The following RTF1 variants were observed in gnomAD, a reference collection of about 807,000 sequenced individuals.
The protein encoded by RTF1 is RTF1 homolog, Paf1/RNA polymerase II complex component.
Under a neutral mutation model 95.7 loss-of-function variants are expected in RTF1, and 10 were observed. The observed-to-expected ratio is 0.10, with a 90% CI of 0.06 to 0.18. RTF1 has a LOEUF of 0.18. Ranked by LOEUF, RTF1 falls within the 10% of genes least tolerant of loss-of-function variation. RTF1 has a pLI of 1.00. For synonymous variants in RTF1, 305 were observed against 311.8 expected (o/e 0.98, Z 0.23); for missense variants, 458 against 875.6 (o/e 0.52, Z 6.02).
chr15:41,475,941 T>A (rs1277828019), intron 11 of RTF1, 122 bp downstream of exon 11: 1 of 602,420 alleles, frequency 1.7e-6, no homozygotes, highest in Admixed American at 3.0e-5. Context: ...GAGGGAATAC[T>A]AATATTACTA....
At chr15:41,478,659 C>G in intron 15 of RTF1, 34 bp downstream of exon 15, 2 of 1,485,596 alleles carry the variant, frequency 1.3e-6, no homozygotes, top group Non-Finnish European at 1.9e-6. Context: ...TAGTCAGGAC[C>G]TAGATTCTAG....
intron 6 of RTF1, among the ~76,000 whole-genome samples, chr15:41,466,656 T>TA (rs1186762096): frequency 6.6e-6 from 1 of 152,252 alleles, no homozygotes; most frequent in African/African-American, 2.4e-5. Context: ...AACAAGATTT[T>TA]AAAAACATTT....
chr15:41,443,287 T>A (rs1029109216), intron 2 of RTF1, among the ~76,000 whole-genome samples: 2 of 152,318 alleles, frequency 1.3e-5, no homozygotes, highest in Admixed American at 6.5e-5. Flanking sequence ...GTTTCACATA[T>A]AATGTAGCTT....
intron 12 of RTF1, 134 bp from the exon 13 acceptor site, chr15:41,477,031 C>T (rs985273121): frequency 1.8e-6 from 2 of 1,084,958 alleles, no homozygotes; most frequent in Non-Finnish European, 2.8e-6. Flanking sequence ...AGTACTTCTA[C>T]AGTATTCTTC....
At position 41,462,711 on chromosome 15, in the gene RTF1, C is replaced by G. The variant is rs562282460; in HGVS notation, c.663-2060C>G. Among the ~76,000 whole-genome samples, 7 of 152,248 alleles carry G rather than the reference C, an allele frequency of 4.6e-5. No homozygotes were observed. In the South Asian group the frequency reaches 1.5e-3, roughly 32 times the overall value. ...CTCCCAGCCCTAGGCAACCACTAAT[C>G]TCCTTTCTGTCTCTCTAGATTTGCC... is the stretch of plus-strand genomic sequence containing the variant. On this transcript the variant is annotated intron_variant, in intron 4 of 17. Coordinates refer to ENST00000389629, the MANE Select transcript of RTF1 (RefSeq NM_015138.5).
At chr15:41,427,144 A>G (rs761876803) in intron 1 of RTF1, among the ~76,000 whole-genome samples, 3 of 115,540 alleles carry the variant, frequency 2.6e-5, no homozygotes, top group Non-Finnish European at 5.1e-5. Context: ...CTGGTCTACA[A>G]ATTTTTTTTT....
At chr15:41,478,368 T>TG (rs1181639732) in intron 14 of RTF1, 180 bp from the exon 15 acceptor site, 1 of 581,964 alleles carries the variant, frequency 1.7e-6, no homozygotes, top group Non-Finnish European at 3.0e-6. Flanking sequence ...GTCACTGCAC[T>TG]TCAGCCTAGG....
intron 1 of RTF1, among the ~76,000 whole-genome samples, chr15:41,425,637 A>C (rs954166443): frequency 3.9e-5 from 6 of 152,194 alleles, no homozygotes; most frequent in African/African-American, 1.2e-4. Context: ...GTATGTGTTC[A>C]CTATGCTGTC....
intron 16 of RTF1, 116 bp from the exon 17 acceptor site, chr15:41,480,098 C>T (rs1368241294): frequency 4.5e-6 from 3 of 668,292 alleles, no homozygotes; most frequent in Non-Finnish European, 7.9e-6. Flanking sequence ...AGAAAGGGGC[C>T]TTAGTAGGAA....
intron 2 of RTF1, among the ~76,000 whole-genome samples, chr15:41,442,911 G>T (rs1285745961): frequency 2.0e-5 from 3 of 152,062 alleles, no homozygotes; most frequent in Non-Finnish European, 4.4e-5. Context: ...ATTAAATAAA[G>T]TGGCAATTTT....
chr15:41,472,323 C>T (rs553389405), intron 8 of RTF1, among the ~76,000 whole-genome samples: 191 of 151,636 alleles, frequency 1.3e-3, no homozygotes, highest in African/African-American at 4.5e-3. Context: ...TCCCCTGCCT[C>T]AGCCTCCCGA....
chr15:41,460,730 G>C (rs2050843290), intron 4 of RTF1, among the ~76,000 whole-genome samples: 1 of 151,084 alleles, frequency 6.6e-6, no homozygotes, highest in Admixed American at 6.6e-5. Context: ...GTCTGGCTTT[G>C]TTGTCCAGGC....
In RTF1 at chr15:41,482,948, A is replaced by G. The variant is rs1020765269; in HGVS notation, c.*2261A>G. On this transcript the variant is annotated 3_prime_UTR_variant, in exon 18 of 18. Coordinates refer to ENST00000389629, the MANE Select transcript of RTF1 (RefSeq NM_015138.5). Reference sequence around the variant, plus strand: ...GATTTGGAGAAGTGTTGATTACATTATGGCTGTGTAATAAAATTTTTATTA... The same window carrying G: ...GATTTGGAGAAGTGTTGATTACATTGTGGCTGTGTAATAAAATTTTTATTA... 1 of 152,598 alleles carries G rather than the reference A, an allele frequency of 6.6e-6. No homozygotes were observed. The highest frequency in any genetic ancestry group is 2.4e-5 in the African/African-American group (1 of 41,426). 9.5% of individuals were successfully genotyped at this position (152,598 alleles called of 1,614,324 possible).
intron 9 of RTF1, 84 bp downstream of exon 9, chr15:41,474,786 TC>T (rs1440128879): frequency 1.0e-6 from 1 of 976,790 alleles, no homozygotes; most frequent in South Asian, 1.3e-5. Flanking sequence ...TGTGTGATGT[TC>T]CTTGTTACCA....
intron 1 of RTF1, among the ~76,000 whole-genome samples, chr15:41,428,257 CTTTTTTTTTTTTTT>C (rs535870983): frequency 7.3e-5 from 7 of 95,954 alleles, no homozygotes; most frequent in African/African-American, 9.9e-5. Flanking sequence ...ACTGATATCC[CTTTTTTTTTTTTTT>C]TTTTTTTTTT....
intron 4 of RTF1, among the ~76,000 whole-genome samples, chr15:41,458,612 G>T (rs921452784): frequency 6.6e-6 from 1 of 151,498 alleles, no homozygotes; most frequent in African/African-American, 2.4e-5. Context: ...AGCCTGGTGT[G>T]GTGTTGTGCA....
At chr15:41,468,584 T>C (rs1222309632) in intron 6 of RTF1, among the ~76,000 whole-genome samples, 2 of 152,138 alleles carry the variant, frequency 1.3e-5, no homozygotes, top group Non-Finnish European at 1.5e-5. Flanking sequence ...CCCAAAGTGC[T>C]GGGATTACAG....
chr15:41,431,451 G>GT (rs1178147011), intron 1 of RTF1, among the ~76,000 whole-genome samples: 1 of 151,830 alleles, frequency 6.6e-6, no homozygotes, highest in Non-Finnish European at 1.5e-5. Flanking sequence ...TGCTGACCTC[G>GT]TGATCCACCT....
rs573765399 is a variant in RTF1 at position 41,437,922 on chromosome 15, C to T, written c.199-399C>T. Among the ~76,000 whole-genome samples the T allele has an allele frequency of 4.6e-5, 7 of 152,266 alleles. No individual in the cohort carries two copies. In the East Asian group the frequency reaches 9.6e-4, roughly 21 times the overall value. ...TGTAAGCTTATTCAAAACTGCCCCACAAATGCCAATTTTACCATTAAAATA... is the reference window on the plus strand; with the variant it reads ...TGTAAGCTTATTCAAAACTGCCCCATAAATGCCAATTTTACCATTAAAATA... On this transcript the variant is annotated intron_variant, in intron 1 of 17. Coordinates refer to ENST00000389629, the MANE Select transcript of RTF1 (RefSeq NM_015138.5).
Sources: allele counts gnomAD v4.1 joint callset (sites outside exome capture counted in the v4.1 genomes callset), GRCh38; gene constraint gnomAD v4.1.1; transcripts MANE v1.5; gene names NCBI Gene and HGNC (gene_info 2026-07-23, HGNC 2026-07-21).